PDE1C: variants seen among roughly 807,000 people sequenced by gnomAD.
The protein encoded by PDE1C is dual specificity calcium/calmodulin-dependent 3',5'-cyclic nucleotide phosphodiesterase 1C.
PDE1C carries 62 observed loss-of-function variants against 93.1 expected under a neutral mutation model. The observed-to-expected ratio is 0.67, with a 90% confidence interval of 0.54 to 0.82. The LOEUF (loss-of-function observed/expected upper bound fraction) is 0.82. Ranked by LOEUF, PDE1C falls within the 40% of genes least tolerant of loss-of-function variation. PDE1C has a pLI of 0.00. For synonymous variants in PDE1C, 325 were observed against 310.1 expected, an observed-to-expected ratio of 1.05 and a Z score of -0.50; for missense variants, 742 against 884.6, an observed-to-expected ratio of 0.84 and a Z score of 2.04.
intron 2 of PDE1C, among the ~76,000 whole-genome samples, chr7:31,946,908 AC>A (rs1282971438): frequency 5.9e-5 from 9 of 152,202 alleles, no homozygotes; most frequent in African/African-American, 2.2e-4. Context: ...AAGGCAGAAC[AC>A]ACTGTATCAG....
chr7:32,258,371 A>G (rs1047749759), intron 1 of PDE1C, among the ~76,000 whole-genome samples: 2 of 152,236 alleles, frequency 1.3e-5, no homozygotes, highest in African/African-American at 4.8e-5. Context: ...ATCTGGTATC[A>G]ATATTGGCGT....
intron 1 of PDE1C, among the ~76,000 whole-genome samples, chr7:32,321,029 C>A (rs1783281371): frequency 6.6e-6 from 1 of 152,238 alleles, no homozygotes. Context: ...GAAGGTGAAT[C>A]TCACAATCCA....
At chr7:31,716,670 T>A in the PDE1C span, among the ~76,000 whole-genome samples, 3 of 152,228 alleles carry the variant, frequency 2.0e-5, no homozygotes, top group Admixed American at 2.0e-4. Flanking sequence ...GCAAACCACG[T>A]AGTTATATTG....
intron 2 of PDE1C, among the ~76,000 whole-genome samples, chr7:31,972,109 T>C (rs1431081970): frequency 6.6e-6 from 1 of 152,214 alleles, no homozygotes; most frequent in Non-Finnish European, 1.5e-5. Flanking sequence ...GCAACCTCTA[T>C]GGTCTATGGC....
chr7:32,133,224 A>G (rs1169867319), intron 3 of PDE1C, among the ~76,000 whole-genome samples: 4 of 152,214 alleles, frequency 2.6e-5, no homozygotes, highest in Non-Finnish European at 5.9e-5. Context: ...GACATACAGA[A>G]GAGCATGTCT....
chr7:32,308,727 T>A (rs1310819641), intron 1 of PDE1C, among the ~76,000 whole-genome samples: 1 of 152,256 alleles, frequency 6.6e-6, no homozygotes, highest in South Asian at 2.1e-4. Flanking sequence ...AGAAAGGACA[T>A]CCACATCAAA....
chr7:32,373,559 T>C (rs1784368177), intron 1 of PDE1C, among the ~76,000 whole-genome samples: 1 of 152,248 alleles, frequency 6.6e-6, no homozygotes, highest in Non-Finnish European at 1.5e-5. Flanking sequence ...TGGTAGTGGT[T>C]GTGCAACTCT....
At chr7:32,408,366 T>C (rs1157534244) in intron 1 of PDE1C, among the ~76,000 whole-genome samples, 1 of 151,958 alleles carries the variant, frequency 6.6e-6, no homozygotes, top group African/African-American at 2.4e-5. Context: ...AGGGAAGAGA[T>C]AAATAACAGC....
intron 2 of PDE1C, among the ~76,000 whole-genome samples, chr7:31,889,523 C>T (rs528150543): frequency 6.6e-6 from 1 of 152,324 alleles, no homozygotes; most frequent in African/African-American, 2.4e-5. Flanking sequence ...GTCTTGGTTG[C>T]CATGGATTTT....
At chr7:32,223,438 T>C (rs1807026462) in intron 1 of PDE1C, among the ~76,000 whole-genome samples, 2 of 152,198 alleles carry the variant, frequency 1.3e-5, no homozygotes, top group African/African-American at 2.4e-5. Flanking sequence ...CAAGGCCATA[T>C]AGCAAGTAAA....
intron 1 of PDE1C, among the ~76,000 whole-genome samples, chr7:32,226,570 C>T (rs62456036): frequency 0.12 from 18,778 of 152,140 alleles, 1,247 homozygotes; most frequent in African/African-American, 0.16. Context: ...AGGGGGGCCC[C>T]TGATGAGGGG....
chr7:31,927,604 G>A (rs911794893), intron 2 of PDE1C, among the ~76,000 whole-genome samples: 3 of 152,216 alleles, frequency 2.0e-5, no homozygotes, highest in Non-Finnish European at 4.4e-5. Context: ...GGAAGAAGCA[G>A]GCAGCAATCT....
In PDE1C at chr7:32,373,471, T is replaced by C. The variant is rs139790828; in HGVS notation, c.310+54351A>G. 3.2e-3 allele frequency among the ~76,000 whole-genome samples: 491 copies of C among 152,308 alleles called. 6 individuals carry two copies. The highest frequency in any genetic ancestry group is 0.011 in the African/African-American group (469 of 41,576). On this transcript the variant is annotated intron_variant, in intron 1 of 1. Transcript: ENST00000672256. ...GCCTAGAGCAGGTATAGGGAGAAGA[T>C]TGGGAGGAAAATGAAGAGTGACTGC...
chr7:32,123,063 A>T (rs966827637), intron 3 of PDE1C, among the ~76,000 whole-genome samples: 1 of 152,226 alleles, frequency 6.6e-6, no homozygotes, highest in Non-Finnish European at 1.5e-5. Flanking sequence ...ACAAACTACC[A>T]TCAGAAAATA....
At chr7:31,822,476 A>G (rs1405597284) in intron 14 of PDE1C, among the ~76,000 whole-genome samples, 1 of 152,150 alleles carries the variant, frequency 6.6e-6, no homozygotes, top group African/African-American at 2.4e-5. Context: ...ACAAATTTCC[A>G]TATTTTTCTG....
chr7:32,007,579 C>T (rs2128576958), intron 2 of PDE1C, among the ~76,000 whole-genome samples: 1 of 152,270 alleles, frequency 6.6e-6, no homozygotes, highest in Admixed American at 6.5e-5. Context: ...AATGTTCAGC[C>T]ACTTCAGGTC....
chr7:32,263,893 C>A (rs1353280935), intron 1 of PDE1C, among the ~76,000 whole-genome samples: 2 of 152,178 alleles, frequency 1.3e-5, no homozygotes, highest in African/African-American at 2.4e-5. Context: ...CATCTAGAGG[C>A]ACACAATATC....
intron 1 of PDE1C, among the ~76,000 whole-genome samples, chr7:32,246,882 G>T (rs1273154124): frequency 6.6e-5 from 10 of 152,216 alleles, no homozygotes; most frequent in Non-Finnish European, 1.2e-4. Context: ...CTATAATTTT[G>T]AATTAAATGT....
At chr7:31,683,261 T>C in the PDE1C span, among the ~76,000 whole-genome samples, 1 of 152,208 alleles carries the variant, frequency 6.6e-6, no homozygotes, top group African/African-American at 2.4e-5. Context: ...AAGGGATCTA[T>C]CTCTCTGTAT....
Sources: gnomAD v4.1 joint callset for allele counts (sites outside exome capture counted in the v4.1 genomes callset) on GRCh38, gnomAD v4.1.1 for gene constraint, MANE v1.5 for transcripts, NCBI Gene and HGNC (gene_info 2026-07-23, HGNC 2026-07-21) for gene names.